Variants in PLCXD3 observed in about 807,000 individuals in gnomAD.
PLCXD3 encodes PI-PLC X domain-containing protein 3.
Under a neutral mutation model 25.5 loss-of-function variants are expected in PLCXD3, and 19 were observed. The observed-to-expected ratio is 0.75, with a 90% confidence interval of 0.52 to 1.09. The LOEUF is 1.09. Among genes scored for constraint, PLCXD3 ranks in the 50% least tolerant of loss-of-function variants. The pLI is 0.00. For synonymous variants in PLCXD3, 174 were observed against 137.6 expected, an observed-to-expected ratio of 1.26 and a Z score of -1.85; for missense variants, 411 against 388.1, an observed-to-expected ratio of 1.06 and a Z score of -0.50.
At chr5:41,354,758 G>T (rs111688472) in intron 2 of PLCXD3, among the ~76,000 whole-genome samples, 4 of 152,110 alleles carry the variant, frequency 2.6e-5, no homozygotes, top group African/African-American at 7.2e-5. Flanking sequence ...TTAAACTGTA[G>T]ATAGAGTGAT....
chr5:41,329,278 A>G (rs1743720346), intron 2 of PLCXD3, among the ~76,000 whole-genome samples: 1 of 152,210 alleles, frequency 6.6e-6, no homozygotes, highest in South Asian at 2.1e-4. Context: ...TCTTCGAAAC[A>G]CTAGTCAGAA....
chr5:41,452,550 C>T (rs1008907091), intron 1 of PLCXD3, among the ~76,000 whole-genome samples: 11 of 151,986 alleles, frequency 7.2e-5, no homozygotes, highest in African/African-American at 2.7e-4. Flanking sequence ...AAACAAACAA[C>T]AAAAGTGTAA....
At chr5:41,393,369 C>T (rs1745895381) in intron 1 of PLCXD3, among the ~76,000 whole-genome samples, 1 of 152,060 alleles carries the variant, frequency 6.6e-6, no homozygotes, top group African/African-American at 2.4e-5. Flanking sequence ...TGGCAGCAGA[C>T]TTTTTAGTGG....
At chr5:41,450,268 T>C (rs1184843194) in intron 1 of PLCXD3, among the ~76,000 whole-genome samples, 1 of 152,118 alleles carries the variant, frequency 6.6e-6, no homozygotes, top group Non-Finnish European at 1.5e-5. Context: ...TCTGAATTGA[T>C]AGGAAACTAA....
intron 1 of PLCXD3, among the ~76,000 whole-genome samples, chr5:41,441,417 C>A (rs142314658): frequency 3.9e-5 from 6 of 152,306 alleles, no homozygotes; most frequent in African/African-American, 1.4e-4. Flanking sequence ...GTTCGTTCTG[C>A]TCAGATTTTT....
At position 41,380,328 on chromosome 5, in the gene PLCXD3, C is replaced by T. The variant is rs143147453; in HGVS notation, c.812+1498G>A. Among the ~76,000 whole-genome samples, 673 of 152,096 alleles carry T rather than the reference C, an allele frequency of 4.4e-3. 4 individuals are homozygous for T. Among genetic ancestry groups the T allele is most frequent in the Non-Finnish European group, 8.2e-3 (555 of 67,972 alleles). On this transcript the variant is annotated intron_variant, in intron 2 of 2. Coordinates refer to ENST00000377801, the MANE Select transcript of PLCXD3 (RefSeq NM_001005473.3). ...GAATCATTTTAATTTTCATTGCTTG[C>T]GTATTATCCCCTTCTGTGTTTTTTC...
chr5:41,423,295 G>T (rs1746872867), intron 1 of PLCXD3, among the ~76,000 whole-genome samples: 1 of 152,006 alleles, frequency 6.6e-6, no homozygotes, highest in Non-Finnish European at 1.5e-5. Flanking sequence ...GTGTTTTGTG[G>T]TTAGAATAAA....
chr5:41,423,586 T>C, intron 1 of PLCXD3, among the ~76,000 whole-genome samples: 1 of 152,094 alleles, frequency 6.6e-6, no homozygotes, highest in East Asian at 1.9e-4. Flanking sequence ...TTTTCTGATT[T>C]GATTTGTATC....
At chr5:41,359,049 T>C (rs912230159) in intron 2 of PLCXD3, among the ~76,000 whole-genome samples, 2 of 152,222 alleles carry the variant, frequency 1.3e-5, no homozygotes, top group African/African-American at 4.8e-5. Context: ...AAACCATCCC[T>C]GCATCCTGGT....
chr5:41,320,723 C>T (rs1488424421), intron 2 of PLCXD3, among the ~76,000 whole-genome samples: 2 of 152,196 alleles, frequency 1.3e-5, no homozygotes, highest in Non-Finnish European at 2.9e-5. Flanking sequence ...GTCTCGATCT[C>T]CTGACCTCGT....
At chr5:41,400,670 A>G (rs750330176) in intron 1 of PLCXD3, among the ~76,000 whole-genome samples, 3 of 152,068 alleles carry the variant, frequency 2.0e-5, no homozygotes, top group Non-Finnish European at 4.4e-5. Flanking sequence ...AGAGAGTAGA[A>G]GATGGTTACC....
rs569581123 is a variant in PLCXD3 at position 41,484,269 on chromosome 5, A to ACACACACC, written c.103+26154_103+26155insGGTGTGTG. ...TGCACACACACACACACACACACAC[A>ACACACACC]CACTAACTGTATTCTAAAATATTTT... On this transcript the variant is annotated intron_variant, in intron 1 of 2. Coordinates refer to ENST00000377801, the MANE Select transcript of PLCXD3 (RefSeq NM_001005473.3). Among the ~76,000 whole-genome samples, 8 of 146,076 alleles carry ACACACACC rather than the reference A, an allele frequency of 5.5e-5. 2 individuals are homozygous for ACACACACC. The highest frequency in any genetic ancestry group is 2.0e-4 in the African/African-American group (8 of 39,144).
chr5:41,395,751 A>G (rs565661889), intron 1 of PLCXD3, among the ~76,000 whole-genome samples: 1 of 152,244 alleles, frequency 6.6e-6, no homozygotes, highest in East Asian at 1.9e-4. Context: ...GCAAGACTGA[A>G]CCAAAAGAAA....
intron 2 of PLCXD3, among the ~76,000 whole-genome samples, chr5:41,317,881 G>A (rs1301725415): frequency 6.6e-6 from 1 of 152,006 alleles, no homozygotes; most frequent in Non-Finnish European, 1.5e-5. Flanking sequence ...AAAATAGGCT[G>A]AAAAGACAAA....
chr5:41,355,716 T>C (rs1372884040), intron 2 of PLCXD3, among the ~76,000 whole-genome samples: 2 of 152,232 alleles, frequency 1.3e-5, no homozygotes, highest in African/African-American at 2.4e-5. Flanking sequence ...CTTCTATCCA[T>C]GCATGCTGCC....
In PLCXD3 at chr5:41,326,020, A is replaced by G. The variant is rs112302127; in HGVS notation, c.813-12250T>C. Among the ~76,000 whole-genome samples the G allele has an allele frequency of 1.6e-4, 25 of 152,306 alleles. 1 individual carries two copies. The highest frequency in any genetic ancestry group is 6.0e-4 in the African/African-American group (25 of 41,568). On this transcript the variant is annotated intron_variant, in intron 2 of 2. Transcript: ENST00000377801. ...CATTCATGGGGACTCTGCCCTCACAACCTAATCGCCTCCCAAAGTCCTCAC... is the reference window on the plus strand; with the variant it reads ...CATTCATGGGGACTCTGCCCTCACAGCCTAATCGCCTCCCAAAGTCCTCAC...
intron 1 of PLCXD3, among the ~76,000 whole-genome samples, chr5:41,448,664 G>T (rs1034408886): frequency 1.3e-5 from 2 of 151,932 alleles, no homozygotes; most frequent in African/African-American, 4.8e-5. Flanking sequence ...TACAAGTTTT[G>T]AGTCATCCTT....
chr5:41,503,219 G>A (rs575206311), intron 1 of PLCXD3, among the ~76,000 whole-genome samples: 38 of 152,212 alleles, frequency 2.5e-4, no homozygotes, highest in Admixed American at 8.5e-4. Flanking sequence ...GGAAAGCATA[G>A]CAGGAAATTA....
intron 1 of PLCXD3, among the ~76,000 whole-genome samples, chr5:41,486,967 C>G (rs926127584): frequency 6.6e-6 from 1 of 152,128 alleles, no homozygotes; most frequent in Non-Finnish European, 1.5e-5. Flanking sequence ...AACACCTGAT[C>G]CTACTTGAAT....
Sources: gnomAD v4.1 joint callset for allele counts (sites outside exome capture counted in the v4.1 genomes callset) on GRCh38, gnomAD v4.1.1 for gene constraint, MANE v1.5 for transcripts, NCBI Gene and HGNC (gene_info 2026-07-23, HGNC 2026-07-21) for gene names.